Variants in SORBS2 observed in about 807,000 individuals in gnomAD.
SORBS2 encodes sorbin and SH3 domain containing 2.
In SORBS2, 46 loss-of-function variants were observed where a neutral mutation model predicts 97.7. That is an observed-to-expected ratio of 0.47 (90% CI 0.37 to 0.60). The LOEUF (loss-of-function observed/expected upper bound fraction) is 0.60. Among genes scored for constraint, SORBS2 ranks in the 20% least tolerant of loss-of-function variants. The probability of loss-of-function intolerance (pLI) is 0.00; values close to 1 mark genes in which losing one functional copy is unlikely to be tolerated. For missense variants in SORBS2, 1,316 were observed against 1,282.3 expected (o/e 1.03, Z -0.40); for synonymous variants, 476 against 473.4 (o/e 1.01, Z -0.07).
chr4:185,951,695 A>G (rs2099277299), intron 1 of SORBS2, among the ~76,000 whole-genome samples: 1 of 152,240 alleles, frequency 6.6e-6, no homozygotes, highest in Non-Finnish European at 1.5e-5. Flanking sequence ...ATGCTGAACA[A>G]AGGTAAATTT....
At chr4:185,822,071 G>A (rs1249715749) in intron 1 of SORBS2, among the ~76,000 whole-genome samples, 1 of 152,200 alleles carries the variant, frequency 6.6e-6, no homozygotes, top group African/African-American at 2.4e-5. Context: ...TGGAAGAGAT[G>A]TTTCAAATGT....
At chr4:185,726,633 T>C (rs1480957762) in intron 2 of SORBS2, among the ~76,000 whole-genome samples, 3 of 150,914 alleles carry the variant, frequency 2.0e-5, no homozygotes, top group Non-Finnish European at 4.4e-5. Context: ...ATATATTATA[T>C]ATATAATATA....
intron 1 of SORBS2, among the ~76,000 whole-genome samples, chr4:185,880,401 C>T (rs1220323619): frequency 1.3e-5 from 2 of 152,252 alleles, no homozygotes; most frequent in East Asian, 3.9e-4. Flanking sequence ...TTGAAAAAAG[C>T]CATCTTATTA....
chr4:185,947,975 C>T (rs1318618058), intron 1 of SORBS2, among the ~76,000 whole-genome samples: 6 of 152,142 alleles, frequency 3.9e-5, no homozygotes, highest in African/African-American at 4.8e-5. Context: ...GCATGGAACC[C>T]GGCACTAAGG....
chr4:185,631,531 C>T (rs143191155), intron 4 of SORBS2, among the ~76,000 whole-genome samples: 2,458 of 152,128 alleles, frequency 0.016, 60 homozygotes, highest in African/African-American at 0.055. Context: ...GGGAGGCCAA[C>T]GCGGGTGGAT....
At chr4:185,809,841 T>G (rs2099172055) in intron 1 of SORBS2, among the ~76,000 whole-genome samples, 1 of 152,338 alleles carries the variant, frequency 6.6e-6, no homozygotes, top group South Asian at 2.1e-4. Context: ...GGGTGTGCCC[T>G]GGATATTTCT....
At chr4:185,827,318 T>A (rs200135413) in intron 1 of SORBS2, among the ~76,000 whole-genome samples, 1 of 109,684 alleles carries the variant, frequency 9.1e-6, no homozygotes, top group Admixed American at 9.0e-5. Flanking sequence ...ATCACCATCA[T>A]CACCATCATC....
chr4:185,796,305 T>C (rs527321637), intron 1 of SORBS2, among the ~76,000 whole-genome samples: 74 of 152,340 alleles, frequency 4.9e-4, no homozygotes, highest in Non-Finnish European at 8.5e-4. Flanking sequence ...CCTTCCTGCT[T>C]GAAATGTCTC....
At chr4:185,668,971 G>A (rs562756867) in intron 4 of SORBS2, among the ~76,000 whole-genome samples, 20 of 152,304 alleles carry the variant, frequency 1.3e-4, no homozygotes, top group African/African-American at 4.3e-4. Flanking sequence ...GGACAGGGAC[G>A]GTGCTTAAAC....
chr4:185,587,889 T>A (rs1408158856), intron 14 of SORBS2: 1 of 518,958 alleles, frequency 1.9e-6, no homozygotes, highest in Non-Finnish European at 3.4e-6. Context: ...TCACTGCCCC[T>A]CCGGCATAAA....
intron 1 of SORBS2, among the ~76,000 whole-genome samples, chr4:185,888,039 T>G (rs917066704): frequency 6.6e-6 from 1 of 150,662 alleles, no homozygotes; most frequent in African/African-American, 2.4e-5. Context: ...AAGCATAAAC[T>G]GTATGAAACC....
At chr4:185,819,110 T>C (rs923214108) in intron 1 of SORBS2, among the ~76,000 whole-genome samples, 16 of 152,188 alleles carry the variant, frequency 1.1e-4, no homozygotes, top group African/African-American at 3.9e-4. Context: ...AGGATCAGGA[T>C]TGGCTGCATA....
chr4:185,955,771 C>A (rs1005466957), intron 1 of SORBS2, among the ~76,000 whole-genome samples: 2 of 152,170 alleles, frequency 1.3e-5, no homozygotes, highest in Non-Finnish European at 2.9e-5. Flanking sequence ...AATGCTCTTT[C>A]TCTACCTTTG....
chr4:185,921,032 G>T (rs28481339), intron 1 of SORBS2, among the ~76,000 whole-genome samples: 16,446 of 152,224 alleles, frequency 0.11, 1,060 homozygotes, highest in African/African-American at 0.18. Context: ...GAGGCAGAGG[G>T]CTGGGCGGGG....
intron 2 of SORBS2, among the ~76,000 whole-genome samples, chr4:185,741,404 G>GTTTTTTT (rs58376567): frequency 5.4e-5 from 6 of 111,662 alleles, no homozygotes; most frequent in East Asian, 2.6e-4. Flanking sequence ...TTTTTTTTTT[G>GTTTTTTT]TTTTTTTTTT....
chr4:185,862,103 T>C (rs1354296345), intron 1 of SORBS2, among the ~76,000 whole-genome samples: 1 of 152,104 alleles, frequency 6.6e-6, no homozygotes, highest in Non-Finnish European at 1.5e-5. Context: ...CCAGAAACAC[T>C]ATACAAATTG....
chr4:185,666,863 G>C (rs529698643), intron 4 of SORBS2, among the ~76,000 whole-genome samples: 473 of 152,310 alleles, frequency 3.1e-3, no homozygotes, highest in Non-Finnish European at 5.6e-3. Flanking sequence ...ATGTACCCTA[G>C]TTAGTTAGAA....
At chr4:185,839,960 T>C (rs961491197) in intron 1 of SORBS2, among the ~76,000 whole-genome samples, 1 of 151,210 alleles carries the variant, frequency 6.6e-6, no homozygotes, top group Non-Finnish European at 1.5e-5. Context: ...GCTTACGATG[T>C]AGGATATCGT....
chr4:185,742,083 T>C (rs1332682889), intron 2 of SORBS2, among the ~76,000 whole-genome samples: 1 of 152,242 alleles, frequency 6.6e-6, no homozygotes, highest in African/African-American at 2.4e-5. Flanking sequence ...CTTGTCTCTC[T>C]GGCTTGTTTT....
Sources: allele counts gnomAD v4.1 joint callset (sites outside exome capture counted in the v4.1 genomes callset), GRCh38; gene constraint gnomAD v4.1.1; transcripts MANE v1.5; gene names NCBI Gene and HGNC (gene_info 2026-07-23, HGNC 2026-07-21).